SLFN13: variants seen among roughly 807,000 people sequenced by gnomAD.
SLFN13 encodes schlafen-13.
Under a neutral mutation model 50.6 loss-of-function variants are expected in SLFN13, and 43 were observed. The ratio of observed to expected loss-of-function variants is 0.85; its 90% CI spans 0.67 to 1.09. SLFN13 has a LOEUF of 1.09. SLFN13 is among the 50% of genes least tolerant of loss of function. SLFN13 has a pLI of 0.00. For synonymous variants in SLFN13, 339 were observed against 386.5 expected (o/e 0.88, Z 1.44); for missense variants, 881 against 1,071.1 (o/e 0.82, Z 2.48).
chr17:35,442,435 T>C (rs963086833), intron 4 of SLFN13, 149 bp from the exon 5 acceptor site: 2 of 1,015,176 alleles, frequency 2.0e-6, no homozygotes, highest in Non-Finnish European at 1.4e-6. Flanking sequence ...GTTTTTTGTT[T>C]GTTTGTTTGT....
Position 35,445,585 on chromosome 17 carries a change from T to C in SLFN13, c.96A>G (p.Lys32=), listed in dbSNP as rs370711063. Residue 32 remains lysine, a synonymous_variant, in exon 3 of 6, where the codon AAA becomes AAG. Transcript: ENST00000285013. ...GGTCTCTCTGAGTTTTCTGTAGCTT[T>C]TTTCTGTTTTCTTCTCCCAGAGTCA... ...GEVTLGEENR[K]KLQKTQRDQE... is the part of the protein sequence containing the mutation. The C allele has an allele frequency of 3.1e-6, 5 of 1,614,004 alleles. No individual in the cohort carries two copies. The Admixed American group carries it at 8.3e-5, about 27-fold the overall frequency.
chr17:35,444,382 C>T (rs1913081285), intron 3 of SLFN13, among the ~76,000 whole-genome samples: 1 of 152,184 alleles, frequency 6.6e-6, no homozygotes, highest in African/African-American at 2.4e-5. Flanking sequence ...ATTAAAGGAA[C>T]CAATTTCCAA....
At position 35,441,470 on chromosome 17, in the gene SLFN13, T is replaced by C. The variant is rs1417229319; in HGVS notation, c.1922+93A>G. The C allele has an allele frequency of 2.0e-5, 32 of 1,593,730 alleles. No homozygotes were observed. In the East Asian group the frequency reaches 6.5e-4, roughly 32 times the overall value. ...GCACAGTATATTGCCACAGATCATT[T>C]TACCACTCAATTCTCAAGGAAGAAG... On this transcript the variant is annotated intron_variant, in intron 5 of 5. Transcript: ENST00000285013.
chr17:35,448,046 T>TATC (rs1376651586), intron 1 of SLFN13, among the ~76,000 whole-genome samples: 1 of 149,108 alleles, frequency 6.7e-6, no homozygotes, highest in African/African-American at 2.5e-5. Context: ...AGTATTATAT[T>TATC]ATTATTATTA....
In SLFN13 at chr17:35,441,598, G is replaced by A. The variant is rs372032850; in HGVS notation, c.1887C>T (p.Tyr629=). Reference sequence around the variant, plus strand: ...TCCTCAGAGGCTGGTTTTCACAAACGTAGAGAATTCTGTGTGCCTCACAGT... The same window carrying A: ...TCCTCAGAGGCTGGTTTTCACAAACATAGAGAATTCTGTGTGCCTCACAGT... ...VFHCEAHRIL[Y]VCENQPLRNF... Residue 629 remains tyrosine, a synonymous_variant, in exon 5 of 6, where the codon TAC becomes TAT. Transcript: ENST00000285013. 202 of 1,597,352 alleles carry A rather than the reference G, an allele frequency of 1.3e-4. No homozygotes were observed. Among genetic ancestry groups the A allele is most frequent in the Non-Finnish European group, 1.5e-4 (178 of 1,174,836 alleles).
rs757377514 is a variant in SLFN13 at position 35,445,502 on chromosome 17, ACTC to A, written c.176_178del (p.Gly59del). 1 of 1,613,790 alleles carries A rather than the reference ACTC, an allele frequency of 6.2e-7. No homozygotes were observed. The highest frequency in any genetic ancestry group is 1.1e-5 in the South Asian group (1 of 91,066). On this transcript the variant is annotated inframe_deletion, in exon 3 of 6. Transcript: ENST00000285013. ...CCTGTTGGCCATTTCCATCTGAATCACTCCTCCTCCTGAGTTTAATAAAGCACA... is the reference window on the plus strand; with the variant it reads ...CCTGTTGGCCATTTCCATCTGAATCACTCCTCCTGAGTTTAATAAAGCACA...
chr17:35,442,829 T>C (rs1333861520), intron 4 of SLFN13, among the ~76,000 whole-genome samples: 1 of 152,216 alleles, frequency 6.6e-6, no homozygotes, highest in Non-Finnish European at 1.5e-5. Flanking sequence ...CAGTGGAGCA[T>C]GTCAACTGAA....
Position 35,443,787 on chromosome 17 carries a change from A to C in SLFN13, c.1198+2T>G, listed in dbSNP as rs774683104. The C allele has an allele frequency of 6.2e-7, 1 of 1,607,700 alleles. No individual in the cohort carries two copies. The highest frequency in any genetic ancestry group is 1.7e-5 in the Admixed American group (1 of 59,526). On this transcript the variant is annotated splice_donor_variant, in intron 4 of 5. Coordinates refer to ENST00000285013, the MANE Select transcript of SLFN13 (RefSeq NM_144682.6). LOFTEE classifies it high-confidence loss of function. Reference sequence around the variant, plus strand: ...CCTGATGTAAAAACTGGCAGTCAGTACCTGGAAATAAATGTTGTTGTAGAT... The same window carrying C: ...CCTGATGTAAAAACTGGCAGTCAGTCCCTGGAAATAAATGTTGTTGTAGAT...
rs1288737005 is a variant in SLFN13 at position 35,437,631 on chromosome 17, G to C, written c.*2964C>G. On this transcript the variant is annotated 3_prime_UTR_variant, in exon 6 of 6. Coordinates refer to ENST00000285013, the MANE Select transcript of SLFN13 (RefSeq NM_144682.6). ...CCAACTAGAAACTAGCAGAGACCTT[G>C]GTACAGCACTCCATAGCAAGAAGTG... 6.6e-6 allele frequency: 1 copy of C among 151,984 alleles called. No homozygotes were observed. Among genetic ancestry groups the C allele is most frequent in the African/African-American group, 2.4e-5 (1 of 41,398 alleles). The allele number at this position is 151,984 out of a possible 1,614,324, so 9.4% of individuals were successfully genotyped here. A position where few individuals can be genotyped will look rare whatever the true frequency, so the allele number is the denominator to read the frequency against.
At position 35,440,809 on chromosome 17, in the gene SLFN13, A is replaced by G. The variant is rs756899954; in HGVS notation, c.2480T>C (p.Leu827Ser). 8.7e-6 allele frequency: 14 copies of G among 1,614,122 alleles called. No individual in the cohort carries two copies. The highest frequency in any genetic ancestry group is 3.3e-4 in the Middle Eastern group (2 of 6,062). Residue 827 changes from leucine (L) to serine (S), a missense_variant, in exon 6 of 6, where the codon TTG (leucine) becomes TCG (serine). This residue lies in a region of SLFN13 where 322 missense variants were observed against 327.4 expected (regional missense o/e 0.98). Coordinates refer to ENST00000285013, the MANE Select transcript of SLFN13 (RefSeq NM_144682.6). ...TEVEQYQSKL[L>S]KAMRKKMVVQ... ...CACCATTTTCTTCCTCATTGCTTTC[A>G]AGAGCTTAGACTGATACTGCTCCAC...
chr17:35,445,544 A>T lies in SLFN13; in HGVS notation c.137T>A (p.Val46Asp). 6.2e-7 allele frequency: 1 copy of T among 1,613,474 alleles called. No individual in the cohort carries two copies. The highest frequency in any genetic ancestry group is 8.5e-7 in the Non-Finnish European group (1 of 1,179,868). ...KTQRDQERAR[V>D]IRAACALLNS... ...TAATAAAGCACACGCGGCCCGTATA[A>T]CTCTCGCCCTCTCTTGGTCTCTCTG... Residue 46 changes from valine to aspartate, a missense_variant, in exon 3 of 6, where the codon GTT (valine) becomes GAT (aspartate). Coordinates refer to ENST00000285013, the MANE Select transcript of SLFN13 (RefSeq NM_144682.6).
rs1487018082 is a variant in SLFN13 at position 35,441,786 on chromosome 17, C to T, written c.1699G>A (p.Asp567Asn). The T allele has an allele frequency of 1.3e-6, 2 of 1,506,162 alleles. No homozygotes were observed. Among genetic ancestry groups the T allele is most frequent in the Non-Finnish European group, 1.8e-6 (2 of 1,119,132 alleles). The allele number at this position is 1,506,162 out of a possible 1,614,324, so 93.3% of individuals were successfully genotyped here. A position where few individuals can be genotyped will look rare whatever the true frequency, so the allele number is the denominator to read the frequency against. The change falls in exon 5 of 6, where the codon GAC becomes AAC. Residue 567 changes from aspartate (D) to asparagine (N), a missense_variant. Physicochemically the swap from Asp to Asn is conservative, Grantham distance 23 (BLOSUM62 1). Around this residue, in one of 5 missense-constraint regions of SLFN13, gnomAD observed 22 missense variants for 132.0 expected, o/e 0.17. Transcript: ENST00000285013. The part of the protein sequence containing the change: ...VLLGFRSLLS[D>N]QLGCEVLNLL... ...TTTAAAACCTCACAGCCGAGCTGGT[C>T]ACTCAAGAGAGACCTGAAGCCGAGT...
chr17:35,443,739 T>C, intron 4 of SLFN13, 50 bp downstream of exon 4: 1 of 1,569,290 alleles, frequency 6.4e-7, no homozygotes. Context: ...TTCCACGAAA[T>C]GTATTAAATG....
intron 2 of SLFN13, 87 bp from the exon 3 acceptor site, chr17:35,445,780 G>T: frequency 9.3e-7 from 1 of 1,076,782 alleles, no homozygotes; most frequent in Non-Finnish European, 1.3e-6. Flanking sequence ...TTTAAAACGT[G>T]TCTAATATGT....
intron 1 of SLFN13, among the ~76,000 whole-genome samples, chr17:35,447,948 T>C (rs1204782511): frequency 6.6e-6 from 1 of 152,016 alleles, no homozygotes; most frequent in African/African-American, 2.4e-5. Flanking sequence ...AGTGGCGCCA[T>C]CACAGGCTCA....
Position 35,439,335 on chromosome 17 carries a change from C to T in SLFN13, c.*1260G>A, listed in dbSNP as rs1193861544. 6.6e-6 allele frequency: 1 copy of T among 152,070 alleles called. No individual in the cohort carries two copies. Among genetic ancestry groups the T allele is most frequent in the African/African-American group, 2.4e-5 (1 of 41,400 alleles). The allele number at this position is 152,070 out of a possible 1,614,324, so 9.4% of individuals were successfully genotyped here. ...TGGGACACAAACATTCAGTCCATAA[C>T]AATGGCCCACCAAACTATGAAAGCA... On this transcript the variant is annotated 3_prime_UTR_variant, in exon 6 of 6. Coordinates refer to ENST00000285013, the MANE Select transcript of SLFN13 (RefSeq NM_144682.6).
In SLFN13 at chr17:35,441,023, T is replaced by C. The variant is rs1912841021; in HGVS notation, c.2266A>G (p.Ile756Val). 1.9e-6 allele frequency: 3 copies of C among 1,612,938 alleles called. No homozygotes were observed. Among genetic ancestry groups the C allele is most frequent in the Admixed American group, 3.3e-5 (2 of 60,002 alleles). ...QLIIENPPIN[I>V]PHGYLAILSE... ...AGAATTGCCAGATACCCATGGGGGA[T>C]ATTAATTGGAGGATTTTCTATAATT... The change falls in exon 6 of 6, where the codon ATC (isoleucine) becomes GTC (valine). Residue 756 changes from isoleucine (I) to valine (V), a missense_variant. Ile to Val is a conservative substitution (Grantham distance 29, BLOSUM62 3). This residue lies in a region of SLFN13 where 322 missense variants were observed against 327.4 expected (regional missense o/e 0.98). Transcript: ENST00000285013.
At chr17:35,443,689 A>G in intron 4 of SLFN13, 100 bp downstream of exon 4, 1 of 1,323,966 alleles carries the variant, frequency 7.6e-7, no homozygotes, top group African/African-American at 1.4e-5. Flanking sequence ...GTCACTGTGT[A>G]CACCTGGATC....
Position 35,435,696 on chromosome 17 carries a change from T to C in SLFN13, c.*4899A>G, listed in dbSNP as rs1005884529. On this transcript the variant is annotated 3_prime_UTR_variant, in exon 6 of 6. Transcript: ENST00000285013. Reference sequence around the variant, plus strand: ...GATGTTGAACTTTATCAAAAGCTTTTTCCTCTATTCAGATGATCATGTGAT... The same window carrying C: ...GATGTTGAACTTTATCAAAAGCTTTCTCCTCTATTCAGATGATCATGTGAT... 4 of 152,172 alleles carry C rather than the reference T, an allele frequency of 2.6e-5. No individual in the cohort carries two copies. Among genetic ancestry groups the C allele is most frequent in the Admixed American group, 2.6e-4 (4 of 15,284 alleles). 9.4% of individuals were successfully genotyped at this position (152,172 alleles called of 1,614,324 possible). A position where few individuals can be genotyped will look rare whatever the true frequency, so the allele number is the denominator to read the frequency against.
Sources: gnomAD v4.1 joint callset for allele counts (sites outside exome capture counted in the v4.1 genomes callset) on GRCh38, gnomAD v4.1.1 for gene constraint, gnomAD v4.1.1 regional missense constraint, MANE v1.5 for transcripts, NCBI Gene and HGNC (gene_info 2026-07-23, HGNC 2026-07-21) for gene names.